The following PCED1B variants were observed in gnomAD, a reference collection of about 807,000 sequenced individuals.
The protein encoded by PCED1B is PC-esterase domain-containing protein 1B.
For missense variants in PCED1B, 573 were observed against 573.9 expected (o/e 1.00, Z 0.02); for synonymous variants, 251 against 246.1 (o/e 1.02, Z -0.19).
intron 2 of PCED1B, among the ~76,000 whole-genome samples, chr12:47,171,402 G>A (rs1941730745): frequency 6.6e-6 from 1 of 151,974 alleles, no homozygotes; most frequent in Non-Finnish European, 1.5e-5. Context: ...TGCTGATATG[G>A]CTTAATACTT....
At chr12:47,089,865 C>G (rs1186401119) in intron 1 of PCED1B, among the ~76,000 whole-genome samples, 1 of 151,984 alleles carries the variant, frequency 6.6e-6, no homozygotes, top group Non-Finnish European at 1.5e-5. Flanking sequence ...CCTCTGCCTC[C>G]CGGGTTCAAG....
chr12:47,116,415 G>C (rs1008813586), intron 2 of PCED1B, among the ~76,000 whole-genome samples: 4 of 152,110 alleles, frequency 2.6e-5, no homozygotes, highest in African/African-American at 9.7e-5. Context: ...TATGGAAAGA[G>C]TGAAGGTCTG....
At chr12:47,172,788 T>C (rs1941794040) in intron 2 of PCED1B, among the ~76,000 whole-genome samples, 1 of 152,134 alleles carries the variant, frequency 6.6e-6, no homozygotes, top group African/African-American at 2.4e-5. Context: ...CCTAGTGGTA[T>C]TGTGTTGGGA....
At chr12:47,135,537 C>T (rs1297857503) in intron 2 of PCED1B, 11 of 512,970 alleles carry the variant, frequency 2.1e-5, no homozygotes, top group Non-Finnish European at 4.4e-5. Flanking sequence ...GCAGAATGGT[C>T]AGGAGGATGC....
chr12:47,134,737 G>A lies in PCED1B; in HGVS notation c.-526+30542G>A, dbSNP rs540589616. 5.6e-3 allele frequency among the ~76,000 whole-genome samples: 857 copies of A among 152,152 alleles called. 6 individuals are homozygous for A. Among genetic ancestry groups the A allele is most frequent in the African/African-American group, 0.017 (724 of 41,516 alleles). ...ACAAAAATTAGCTGGGCGTGGTGGC[G>A]GGCGCCTGTAGTCCCAGCTACTCGG... On this transcript the variant is annotated intron_variant, in intron 2 of 3. Coordinates refer to ENST00000546455, the MANE Select transcript of PCED1B (RefSeq NM_138371.3).
At chr12:47,165,274 C>T (rs1453624176) in intron 2 of PCED1B, among the ~76,000 whole-genome samples, 1 of 152,230 alleles carries the variant, frequency 6.6e-6, no homozygotes, top group African/African-American at 2.4e-5. Flanking sequence ...TACTCCATTT[C>T]CCTATAGCAA....
At chr12:47,151,770 C>CA (rs1466847844) in intron 2 of PCED1B, among the ~76,000 whole-genome samples, 12 of 152,164 alleles carry the variant, frequency 7.9e-5, no homozygotes, top group Non-Finnish European at 1.5e-4. Flanking sequence ...CCTACTTAGT[C>CA]TTTTATTCTA....
intron 2 of PCED1B, among the ~76,000 whole-genome samples, chr12:47,171,981 C>T (rs1479317792): frequency 6.6e-6 from 1 of 151,030 alleles, no homozygotes; most frequent in Non-Finnish European, 1.5e-5. Flanking sequence ...ATCTTTCTGT[C>T]TCTGTATTTA....
chr12:47,203,479 C>T (rs573665204), intron 2 of PCED1B, among the ~76,000 whole-genome samples: 2 of 152,234 alleles, frequency 1.3e-5, no homozygotes, highest in African/African-American at 4.8e-5. Context: ...CACCCTCCGA[C>T]AGGCCCTAGT....
At chr12:47,104,455 CT>C (rs1938857016) in intron 2 of PCED1B, among the ~76,000 whole-genome samples, 1 of 152,200 alleles carries the variant, frequency 6.6e-6, no homozygotes, top group Admixed American at 6.5e-5. Flanking sequence ...ACAACAGTGT[CT>C]ACCACATGGT....
chr12:47,134,121 G>A (rs1940246295), intron 2 of PCED1B, among the ~76,000 whole-genome samples: 1 of 152,206 alleles, frequency 6.6e-6, no homozygotes, highest in Non-Finnish European at 1.5e-5. Context: ...GTATTATGAT[G>A]TGAATAATCA....
rs901460372 is a variant in PCED1B at position 47,216,302 on chromosome 12, A to G, written c.-445A>G. On this transcript the variant is annotated 5_prime_UTR_variant, in exon 3 of 4. Transcript: ENST00000546455. ...ATCAAAGGAAGAGTCAAAATAAGCT[A>G]CACCCAGATTACTGAGAAAGGTGAA... 23 of 152,362 alleles carry G rather than the reference A, an allele frequency of 1.5e-4. No individual in the cohort carries two copies. The highest frequency in any genetic ancestry group is 3.4e-3 in the Middle Eastern group (1 of 294). The allele number at this position is 152,362 out of a possible 1,614,324, so 9.4% of individuals were successfully genotyped here. A position where few individuals can be genotyped will look rare whatever the true frequency, so the allele number is the denominator to read the frequency against.
At chr12:47,230,234 G>A (rs1943762960) in intron 3 of PCED1B, among the ~76,000 whole-genome samples, 1 of 147,100 alleles carries the variant, frequency 6.8e-6, no homozygotes, top group African/African-American at 2.5e-5. Context: ...ACAGGCCCCA[G>A]CCACCACGCC....
intron 2 of PCED1B, among the ~76,000 whole-genome samples, chr12:47,136,784 T>C (rs1478874079): frequency 6.6e-6 from 1 of 152,194 alleles, no homozygotes; most frequent in Non-Finnish European, 1.5e-5. Context: ...TGAGATAGTA[T>C]TAGGCAAATT....
At chr12:47,184,527 C>T (rs939823794) in intron 2 of PCED1B, among the ~76,000 whole-genome samples, 1 of 152,166 alleles carries the variant, frequency 6.6e-6, no homozygotes, top group Non-Finnish European at 1.5e-5. Flanking sequence ...GCATTCTTCT[C>T]ATCACAGACT....
intron 2 of PCED1B, among the ~76,000 whole-genome samples, chr12:47,172,998 A>G (rs1941801489): frequency 6.6e-6 from 1 of 152,236 alleles, no homozygotes; most frequent in African/African-American, 2.4e-5. Context: ...GCAATGGGGA[A>G]GACAGGACAA....
At chr12:47,211,177 T>C (rs536964269) in intron 2 of PCED1B, among the ~76,000 whole-genome samples, 1 of 152,296 alleles carries the variant, frequency 6.6e-6, no homozygotes, top group South Asian at 2.1e-4. Context: ...TCTGTGTTTT[T>C]CCCTCCCTGC....
At chr12:47,158,341 G>A (rs111343393) in intron 2 of PCED1B, among the ~76,000 whole-genome samples, 6,329 of 152,208 alleles carry the variant, frequency 0.042, 424 homozygotes, top group African/African-American at 0.14. Flanking sequence ...TTTTACAGTA[G>A]CCATCCTAAT....
At chr12:47,147,643 T>C (rs1441912065) in intron 2 of PCED1B, among the ~76,000 whole-genome samples, 1 of 152,236 alleles carries the variant, frequency 6.6e-6, no homozygotes, top group Non-Finnish European at 1.5e-5. Flanking sequence ...ATGTTCTATT[T>C]CTATTGATAT....
Sources: gnomAD v4.1 joint callset for allele counts (sites outside exome capture counted in the v4.1 genomes callset) on GRCh38, gnomAD v4.1.1 for gene constraint, MANE v1.5 for transcripts, NCBI Gene and HGNC (gene_info 2026-07-23, HGNC 2026-07-21) for gene names.